CELSR1: variants seen among roughly 807,000 people sequenced by gnomAD.
CELSR1 encodes the protein cadherin EGF LAG seven-pass G-type receptor 1.
CELSR1 carries 110 observed loss-of-function variants against 249.1 expected under a neutral mutation model. That is an observed-to-expected ratio of 0.44 (90% CI 0.38 to 0.52). The LOEUF is 0.52. CELSR1 is among the 20% of genes least tolerant of loss of function. CELSR1 has a pLI of 0.00. For synonymous variants in CELSR1, 2,113 were observed against 1,900.0 expected (o/e 1.11, Z -2.92); for missense variants, 4,109 against 4,296.4 (o/e 0.96, Z 1.22).
rs1355316235 is a variant in CELSR1, at chr22:46,536,586, C to A, written c.585G>T (p.Arg195=). The A allele has an allele frequency of 2.5e-6, 3 of 1,204,540 alleles. No homozygotes were observed. The highest frequency in any genetic ancestry group is 3.1e-6 in the Non-Finnish European group (3 of 973,182). The allele number at this position is 1,204,540 out of a possible 1,614,324, so 74.6% of individuals were successfully genotyped here. Residue 195 remains arginine, a synonymous_variant, in exon 1 of 35, where the codon CGG becomes CGT. Transcript: ENST00000674500. ...CALRRAAGAV[R]VGLALEAATA... ...TGGCGGCCTCCAGCGCCAGTCCCACCCGGACGGCGCCAGCCGCGCGCCGCA... is the reference window on the plus strand; with the variant it reads ...TGGCGGCCTCCAGCGCCAGTCCCACACGGACGGCGCCAGCCGCGCGCCGCA...
intron 5 of CELSR1, among the ~76,000 whole-genome samples, chr22:46,419,157 C>T (rs760656326): frequency 7.2e-5 from 11 of 152,164 alleles, no homozygotes; most frequent in African/African-American, 2.7e-4. Flanking sequence ...GCTCAGCCAT[C>T]GGGACCAGGT....
At position 46,532,398 on chromosome 22, in the gene CELSR1, C is replaced by T. The variant is rs117423402; in HGVS notation, c.3544+1229G>A. On this transcript the variant is annotated intron_variant, in intron 1 of 34. Transcript: ENST00000674500. Reference sequence around the variant, plus strand: ...AATAGACTGTACTGCCAAAATTGTGCGGAAGGTTTGTATTATACCAAAACT... The same window carrying T: ...AATAGACTGTACTGCCAAAATTGTGTGGAAGGTTTGTATTATACCAAAACT... 3.7e-3 allele frequency among the ~76,000 whole-genome samples: 557 copies of T among 152,328 alleles called. 25 individuals are homozygous for T. In the East Asian group the frequency reaches 0.088, roughly 24 times the overall value.
chr22:46,455,212 C>T (rs1218518023), intron 2 of CELSR1, among the ~76,000 whole-genome samples: 6 of 152,144 alleles, frequency 3.9e-5, no homozygotes, highest in South Asian at 2.1e-4. Flanking sequence ...GCCTCCAGAA[C>T]AGTAAGACAA....
At chr22:46,377,009 G>C in intron 24 of CELSR1, 52 bp downstream of exon 24, 1 of 1,583,048 alleles carries the variant, frequency 6.3e-7, no homozygotes, top group African/African-American at 1.3e-5. Context: ...GACTATGGTA[G>C]CTGCTCCAAG....
Position 46,412,057 on chromosome 22 carries a change from C to A in CELSR1, c.4612-298G>T, listed in dbSNP as rs1201751842. Among the ~76,000 whole-genome samples the A allele has an allele frequency of 6.6e-6, 1 of 152,158 alleles. No homozygotes were observed. The highest frequency in any genetic ancestry group is 1.5e-5 in the Non-Finnish European group (1 of 68,024). On this transcript the variant is annotated intron_variant, in intron 5 of 34. Transcript: ENST00000674500. This position sits in a 1 kb window ranked among gnomAD's most constrained non-coding sequence, Gnocchi z 4.5. ...GTAGGCGGGCCCTGATCCAAGATGA[C>A]TGGTGTCCTCTTAAGAGGACAGATG...
intron 2 of CELSR1, among the ~76,000 whole-genome samples, chr22:46,443,208 G>C (rs2079775004): frequency 6.6e-6 from 1 of 152,204 alleles, no homozygotes; most frequent in Non-Finnish European, 1.5e-5. Context: ...ACGTTTTGCT[G>C]AATTTCATGA....
At position 46,428,694 on chromosome 22, in the gene CELSR1, A is replaced by G. The variant is rs960527178; in HGVS notation, c.4611+4699T>C. Among the ~76,000 whole-genome samples the G allele has an allele frequency of 6.6e-6, 1 of 152,192 alleles. No individual in the cohort carries two copies. Among genetic ancestry groups the G allele is most frequent in the Non-Finnish European group, 1.5e-5 (1 of 68,022 alleles). ...CAAGGGGCGGCAGTGCCCAGGTGGGAAATCCTGACGCGGCTGCTCACCGCC... is the reference window on the plus strand; with the variant it reads ...CAAGGGGCGGCAGTGCCCAGGTGGGGAATCCTGACGCGGCTGCTCACCGCC... On this transcript the variant is annotated intron_variant, in intron 5 of 34. Transcript: ENST00000674500. This position sits in a 1 kb window ranked among gnomAD's most constrained non-coding sequence, Gnocchi z 5.7.
At chr22:46,497,969 CCAGG>C (rs55915707) in intron 1 of CELSR1, among the ~76,000 whole-genome samples, 67,408 of 151,118 alleles carry the variant, frequency 0.45, 16,235 homozygotes, top group East Asian at 0.84. Context: ...TCTGGTGGGG[CCAGG>C]CACGGTGGCT....
At chr22:46,502,978 A>G (rs1452520994) in intron 1 of CELSR1, among the ~76,000 whole-genome samples, 2 of 152,164 alleles carry the variant, frequency 1.3e-5, no homozygotes, top group African/African-American at 4.8e-5. Flanking sequence ...GCACTCGGAG[A>G]GAAGATCAAA....
intron 22 of CELSR1, among the ~76,000 whole-genome samples, chr22:46,379,444 T>C (rs1199048083): frequency 6.6e-6 from 1 of 152,200 alleles, no homozygotes; most frequent in Non-Finnish European, 1.5e-5. Flanking sequence ...CTGGGAATAA[T>C]AAGTGCAACA....
chr22:46,506,247 T>C lies in CELSR1; in HGVS notation c.3544+27380A>G, dbSNP rs914336071. 1.3e-5 allele frequency among the ~76,000 whole-genome samples: 2 copies of C among 151,104 alleles called. No homozygotes were observed. The highest frequency in any genetic ancestry group is 6.6e-5 in the Admixed American group (1 of 15,170). ...TACTGACTACTGACGGATTGCTGGG[T>C]TCTGGATGGACATGCAGAGCACCCG... is the stretch of plus-strand genomic sequence containing the variant. On this transcript the variant is annotated intron_variant, in intron 1 of 34. Coordinates refer to ENST00000674500, the MANE Select transcript of CELSR1 (RefSeq NM_001378328.1). The surrounding 1 kb of genome is among the most constrained non-coding windows in gnomAD (Gnocchi z 4.1).
rs1281353691 is a variant in CELSR1, at chr22:46,372,960, G to A, written c.7682C>T (p.Thr2561Ile). 6.2e-7 allele frequency: 1 copy of A among 1,613,246 alleles called. No homozygotes were observed. The highest frequency in any genetic ancestry group is 2.2e-5 in the East Asian group (1 of 44,872). Residue 2561 changes from threonine (T) to isoleucine (I), a missense_variant, in exon 25 of 35, where the codon ACC becomes ATC. Thr to Ile is a moderately conservative substitution (Grantham distance 89, BLOSUM62 -1). This residue lies in a region of CELSR1 where 1,805 missense variants were observed against 1,831.6 expected (regional missense o/e 0.99). Coordinates refer to ENST00000674500, the MANE Select transcript of CELSR1 (RefSeq NM_001378328.1). ...VESLHVYRMLTEVRNIDTGPM... is the reference protein window; with the variant it reads ...VESLHVYRMLIEVRNIDTGPM... ...CCCCGTGTCGATGTTGCGCACCTCG[G>A]TCAGCATGCGGTAGACATGCAGGCT...
At chr22:46,453,421 G>A (rs2079909294) in intron 2 of CELSR1, among the ~76,000 whole-genome samples, 1 of 152,182 alleles carries the variant, frequency 6.6e-6, no homozygotes, top group Non-Finnish European at 1.5e-5. Flanking sequence ...CAGAAAAAAT[G>A]AGCACGAATT....
At chr22:46,394,074 A>AT in intron 14 of CELSR1, 68 bp downstream of exon 14, 1 of 1,570,356 alleles carries the variant, frequency 6.4e-7, no homozygotes, top group Non-Finnish European at 8.7e-7. Flanking sequence ...GCGTGTGTGT[A>AT]TTTAGGGGCA....
chr22:46,488,645 T>C lies in CELSR1; in HGVS notation c.3545-24300A>G, dbSNP rs1362358578. The stretch of plus-strand genomic sequence containing the variant: ...GTTTCTACGGCACAGCAGTGACCAC[T>C]CCCGTGCCACAGCCCTGCCCTTTTT... On this transcript the variant is annotated intron_variant, in intron 1 of 34. Transcript: ENST00000674500. The surrounding 1 kb of genome is among the most constrained non-coding windows in gnomAD (Gnocchi z 4.7). Among the ~76,000 whole-genome samples, 2 of 145,844 alleles carry C rather than the reference T, an allele frequency of 1.4e-5. No homozygotes were observed. The highest frequency in any genetic ancestry group is 1.5e-5 in the Non-Finnish European group (1 of 67,074).
chr22:46,519,438 C>T, intron 1 of CELSR1, among the ~76,000 whole-genome samples: 1 of 152,234 alleles, frequency 6.6e-6, no homozygotes, highest in East Asian at 1.9e-4. Flanking sequence ...GTGCTGAGGG[C>T]CAGCACTGGG....
chr22:46,513,655 C>T (rs1367730116), intron 1 of CELSR1, among the ~76,000 whole-genome samples: 5 of 152,130 alleles, frequency 3.3e-5, no homozygotes, highest in East Asian at 3.8e-4. Flanking sequence ...GCACTTCCTA[C>T]GGGCAGCAAC....
chr22:46,368,156 G>A (rs1012771800), intron 27 of CELSR1, among the ~76,000 whole-genome samples: 4 of 152,180 alleles, frequency 2.6e-5, no homozygotes, highest in African/African-American at 4.8e-5. Context: ...CCATGCCCAT[G>A]GCTGCACTAG....
chr22:46,363,380 G>T lies in CELSR1; in HGVS notation c.9036-133C>A. 2 of 710,100 alleles carry T rather than the reference G, an allele frequency of 2.8e-6. No homozygotes were observed. The highest frequency in any genetic ancestry group is 3.5e-5 in the South Asian group (2 of 57,430). 44.0% of individuals were successfully genotyped at this position (710,100 alleles called of 1,614,324 possible). On this transcript the variant is annotated intron_variant, in intron 34 of 34. Coordinates refer to ENST00000674500, the MANE Select transcript of CELSR1 (RefSeq NM_001378328.1). This position sits in a 1 kb window ranked among gnomAD's most constrained non-coding sequence, Gnocchi z 4.3. Reference sequence around the variant, plus strand: ...AGGGGGCGTCTGGGGGCTCCAGGGAGGGCAAGCTCATGTTGGATGAGGCTG... The same window carrying T: ...AGGGGGCGTCTGGGGGCTCCAGGGATGGCAAGCTCATGTTGGATGAGGCTG...
Sources: allele counts gnomAD v4.1 joint callset (sites outside exome capture counted in the v4.1 genomes callset), GRCh38; gene constraint gnomAD v4.1.1; regional missense constraint gnomAD v4.1.1; non-coding constraint Gnocchi (gnomAD v3.1); transcripts MANE v1.5; gene names NCBI Gene and HGNC (gene_info 2026-07-23, HGNC 2026-07-21).